AFF4: variants seen among roughly 807,000 people sequenced by gnomAD.
The protein encoded by AFF4 is AF4/FMR2 family member 4.
Under a neutral mutation model 124.8 loss-of-function variants are expected in AFF4, and 13 were observed. That is an observed-to-expected ratio of 0.10 (90% CI 0.07 to 0.17). The LOEUF is 0.17. AFF4 is among the 10% of genes least tolerant of loss of function. The probability of loss-of-function intolerance (pLI) is 1.00; values close to 1 mark genes in which losing one functional copy is unlikely to be tolerated. For missense variants in AFF4, 1,092 were observed against 1,403.8 expected, an observed-to-expected ratio of 0.78 and a Z score of 3.55; for synonymous variants, 477 against 496.1, an observed-to-expected ratio of 0.96 and a Z score of 0.51.
intron 4 of AFF4, 35 bp from the exon 5 acceptor site, chr5:132,927,242 G>T: frequency 6.3e-7 from 1 of 1,579,684 alleles, no homozygotes; most frequent in Non-Finnish European, 8.6e-7. Flanking sequence ...TTTTCAACCA[G>T]GTCAAGGATA....
In AFF4 at chr5:132,880,557, T is replaced by C. The variant is rs1352776339; in HGVS notation, c.*502A>G. Reference sequence around the variant, plus strand: ...TCAGGTAGCAGGTGTAGAAAGAATATGTCCTTATTTTAGACGAACCAATTC... The same window carrying C: ...TCAGGTAGCAGGTGTAGAAAGAATACGTCCTTATTTTAGACGAACCAATTC... On this transcript the variant is annotated 3_prime_UTR_variant, in exon 21 of 21. Coordinates refer to ENST00000265343, the MANE Select transcript of AFF4 (RefSeq NM_014423.4). The C allele has an allele frequency of 1.0e-5, 4 of 389,160 alleles. No homozygotes were observed. Among genetic ancestry groups the C allele is most frequent in the Non-Finnish European group, 1.8e-5 (4 of 220,406 alleles). 24.1% of individuals were successfully genotyped at this position (389,160 alleles called of 1,614,324 possible).
chr5:132,934,468 C>A lies in AFF4; in HGVS notation c.597G>T (p.Gly199=), dbSNP rs557414111. ...GATGTTCCTTGCTATGGTGATCATT[C>A]CCATGAGACCTGGAATGACTAGAGT... The part of the protein sequence containing the change: ...SLNSSHSRSH[G]NDHHSKEHQR... The change falls in exon 3 of 21, where the codon GGG becomes GGT. Residue 199 remains glycine, a synonymous_variant. Coordinates refer to ENST00000265343, the MANE Select transcript of AFF4 (RefSeq NM_014423.4). 6.2e-7 allele frequency: 1 copy of A among 1,614,114 alleles called. No individual in the cohort carries two copies. Among genetic ancestry groups the A allele is most frequent in the Admixed American group, 1.7e-5 (1 of 60,000 alleles).
chr5:132,894,151 T>C (rs2150070945), intron 11 of AFF4, among the ~76,000 whole-genome samples: 1 of 152,356 alleles, frequency 6.6e-6, no homozygotes, highest in African/African-American at 2.4e-5. Flanking sequence ...AAGTACAAGT[T>C]TTTGTGTGGA....
rs1185752933 is a variant in AFF4, at chr5:132,876,268, T to C, written c.*4791A>G. The C allele has an allele frequency of 1.8e-5, 4 of 218,988 alleles. No homozygotes were observed. Among genetic ancestry groups the C allele is most frequent in the Admixed American group, 6.0e-5 (1 of 16,708 alleles). The allele number at this position is 218,988 out of a possible 1,614,324, so 13.6% of individuals were successfully genotyped here. A position where few individuals can be genotyped will look rare whatever the true frequency, so the allele number is the denominator to read the frequency against. On this transcript the variant is annotated 3_prime_UTR_variant, in exon 21 of 21. Coordinates refer to ENST00000265343, the MANE Select transcript of AFF4 (RefSeq NM_014423.4). Reference sequence around the variant, plus strand: ...TGATTTGCCAGGTGTGTGCATAAAGTTGTAAAATGGGGACACTTCTGGAAC... The same window carrying C: ...TGATTTGCCAGGTGTGTGCATAAAGCTGTAAAATGGGGACACTTCTGGAAC...
At chr5:132,891,816 T>TTA in intron 13 of AFF4, 1 of 300,018 alleles carries the variant, frequency 3.3e-6, no homozygotes, top group Non-Finnish European at 6.1e-6. Context: ...TTTTTTTTTT[T>TTA]AAATTTTAAA....
intron 1 of AFF4, among the ~76,000 whole-genome samples, chr5:132,955,795 A>T (rs796254920): frequency 0.049 from 5,708 of 116,372 alleles, 150 homozygotes; most frequent in East Asian, 0.095. Flanking sequence ...AAAAAAAAAA[A>T]ATATATATAT....
Position 132,916,551 on chromosome 5 carries a change from A to C in AFF4, c.1050+10570T>G, listed in dbSNP as rs1760916488. ...TAATTTCACCTAGCATTCTTTGACA[A>C]ATCAATGATCTTAATACTTCAGCCC... On this transcript the variant is annotated intron_variant, in intron 5 of 20. Coordinates refer to ENST00000265343, the MANE Select transcript of AFF4 (RefSeq NM_014423.4). 2.0e-5 allele frequency among the ~76,000 whole-genome samples: 3 copies of C among 152,146 alleles called. No individual in the cohort carries two copies. In the South Asian group the frequency reaches 6.2e-4, roughly 32 times the overall value.
In AFF4 at chr5:132,877,861, G is replaced by C. The variant is rs1759877556; in HGVS notation, c.*3198C>G. On this transcript the variant is annotated 3_prime_UTR_variant, in exon 21 of 21. Coordinates refer to ENST00000265343, the MANE Select transcript of AFF4 (RefSeq NM_014423.4). ...ACGAACAACAATTTTTTAAAAACTAGTGAATCTAATAAAGCCAAGTGTGTC... is the reference window on the plus strand; with the variant it reads ...ACGAACAACAATTTTTTAAAAACTACTGAATCTAATAAAGCCAAGTGTGTC... The C allele has an allele frequency of 4.5e-6, 1 of 220,834 alleles. No individual in the cohort carries two copies. Among genetic ancestry groups the C allele is most frequent in the Non-Finnish European group, 9.1e-6 (1 of 110,120 alleles). The allele number at this position is 220,834 out of a possible 1,614,324, so 13.7% of individuals were successfully genotyped here.
chr5:132,903,670 G>GA (rs1760606141), intron 6 of AFF4, among the ~76,000 whole-genome samples: 1 of 151,956 alleles, frequency 6.6e-6, no homozygotes, highest in African/African-American at 2.4e-5. Context: ...AACCAAGGAA[G>GA]AAAAAACAGG....
rs1760424148 is a variant in AFF4 at position 132,897,075 on chromosome 5, T to C, written c.1555A>G (p.Ser519Gly). 3.7e-6 allele frequency: 6 copies of C among 1,614,110 alleles called. No homozygotes were observed. The highest frequency in any genetic ancestry group is 2.2e-5 in the East Asian group (1 of 44,890). Residue 519 changes from serine to glycine, a missense_variant, in exon 11 of 21, where the codon AGT (serine) becomes GGT (glycine). Transcript: ENST00000265343. The stretch of plus-strand genomic sequence containing the variant: ...GCGGAACTCGTTTCTTTAGGTCCAC[T>C]TGTATCAGTGTAGCTATTCCCAGTG... Reference protein sequence around the residue: ...QGTGNSYTDTSGPKETSSATP... With the variant: ...QGTGNSYTDTGGPKETSSATP...
At chr5:132,934,035 A>G (rs1052022263) in intron 3 of AFF4, 112 bp downstream of exon 3, 23 of 1,227,456 alleles carry the variant, frequency 1.9e-5, no homozygotes, top group Admixed American at 5.7e-5. Context: ...TTCAACTTTT[A>G]CATTCCTTAC....
chr5:132,896,648 G>C lies in AFF4; in HGVS notation c.1982C>G (p.Pro661Arg), dbSNP rs767370581. 5.1e-5 allele frequency: 82 copies of C among 1,613,906 alleles called. No homozygotes were observed. Among genetic ancestry groups the C allele is most frequent in the Non-Finnish European group, 6.6e-5 (78 of 1,179,974 alleles). ...SDSDESESLP[P>R]SSQTPKYPES... Reference sequence around the variant, plus strand: ...GGGGTACTTAGGAGTTTGTGAGGAAGGAGGAAGGCTCTCACTTTCATCTGA... The same window carrying C: ...GGGGTACTTAGGAGTTTGTGAGGAACGAGGAAGGCTCTCACTTTCATCTGA... Residue 661 changes from proline to arginine, a missense_variant, in exon 11 of 21, where the codon CCT (proline) becomes CGT (arginine). Transcript: ENST00000265343.
chr5:132,886,594 G>C (rs1760125273), intron 17 of AFF4, among the ~76,000 whole-genome samples, 191 bp from the exon 18 acceptor site: 1 of 152,236 alleles, frequency 6.6e-6, no homozygotes, highest in East Asian at 1.9e-4. Context: ...AGATGGCTAA[G>C]AAGCCTAGGA....
At chr5:132,937,034 T>C (rs773427571) in intron 2 of AFF4, 33 bp downstream of exon 2, 4 of 1,575,736 alleles carry the variant, frequency 2.5e-6, no homozygotes, top group South Asian at 2.3e-5. Flanking sequence ...GTCATGCTAA[T>C]GGGAAAAAAA....
At chr5:132,888,245 T>C (rs1339763956) in intron 14 of AFF4, 85 bp from the exon 15 acceptor site, 5 of 1,012,460 alleles carry the variant, frequency 4.9e-6, no homozygotes, top group Non-Finnish European at 7.2e-6. Flanking sequence ...CCCTCAGTTT[T>C]TATGTCCTCA....
rs974129835 is a variant in AFF4, at chr5:132,920,998, G to A, written c.1050+6123C>T. 4.6e-5 allele frequency among the ~76,000 whole-genome samples: 7 copies of A among 151,918 alleles called. No homozygotes were observed. The East Asian group carries it at 1.4e-3, about 29-fold the overall frequency. ...AAAAATTAGTCAGGCATGGTGGCAGGCGCCTGCAGTCCCAGCTACTCGAGA... is the reference window on the plus strand; with the variant it reads ...AAAAATTAGTCAGGCATGGTGGCAGACGCCTGCAGTCCCAGCTACTCGAGA... On this transcript the variant is annotated intron_variant, in intron 5 of 20. Transcript: ENST00000265343.
At chr5:132,915,114 G>A (rs111553848) in intron 5 of AFF4, among the ~76,000 whole-genome samples, 17,490 of 152,012 alleles carry the variant, frequency 0.12, 1,258 homozygotes, top group South Asian at 0.2. Flanking sequence ...CGAGGCAGGC[G>A]GATCACGAGG....
chr5:132,897,390 A>G, intron 10 of AFF4, 150 bp from the exon 11 acceptor site: 1 of 808,234 alleles, frequency 1.2e-6, no homozygotes, highest in Non-Finnish European at 1.9e-6. Context: ...AGGGCTGAGT[A>G]TTGACTATTA....
intron 5 of AFF4, among the ~76,000 whole-genome samples, chr5:132,907,573 T>C (rs1396034051): frequency 6.6e-6 from 1 of 151,558 alleles, no homozygotes; most frequent in Non-Finnish European, 1.5e-5. Context: ...TTATATTGAG[T>C]TTGTAATTGT....
Sources: gnomAD v4.1 joint callset for allele counts (sites outside exome capture counted in the v4.1 genomes callset) on GRCh38, gnomAD v4.1.1 for gene constraint, MANE v1.5 for transcripts, NCBI Gene and HGNC (gene_info 2026-07-23, HGNC 2026-07-21) for gene names.